The following MAPK13 variants were observed in gnomAD, a reference collection of about 807,000 sequenced individuals.
The protein encoded by MAPK13 is mitogen-activated protein kinase 13.
In MAPK13, 39 loss-of-function variants were observed where a neutral mutation model predicts 53.5. The observed-to-expected ratio is 0.73, with a 90% confidence interval of 0.56 to 0.95. The LOEUF (loss-of-function observed/expected upper bound fraction) is 0.95, where lower values mean the gene tolerates loss of function less well. MAPK13 is among the 40% of genes least tolerant of loss of function. The pLI is 0.00. For missense variants in MAPK13, 460 were observed against 471.8 expected (o/e 0.98, Z 0.23); for synonymous variants, 179 against 190.9 (o/e 0.94, Z 0.51).
rs1766551831 is a variant in MAPK13 at position 36,142,615 on chromosome 6, A to T, written c.*3242A>T. ...GCCTGTCGGTCACTTCTTTGCCCCG[A>T]CCAGGCCAATGTCATATGGAAGGTG... On this transcript the variant is annotated 3_prime_UTR_variant, in exon 12 of 12. Transcript: ENST00000211287. This position sits in a 1 kb window ranked among gnomAD's most constrained non-coding sequence, Gnocchi z 4.4. 1 of 152,262 alleles carries T rather than the reference A, an allele frequency of 6.6e-6. No individual in the cohort carries two copies. Among genetic ancestry groups the T allele is most frequent in the African/African-American group, 2.4e-5 (1 of 41,436 alleles). 9.4% of individuals were successfully genotyped at this position (152,262 alleles called of 1,614,324 possible).
intron 8 of MAPK13, among the ~76,000 whole-genome samples, chr6:36,138,106 A>C (rs1014324325): frequency 3.3e-5 from 5 of 152,142 alleles, no homozygotes; most frequent in African/African-American, 1.2e-4. Flanking sequence ...GAAACAGAAA[A>C]GAGTCACTGG....
rs902586602 is a variant in MAPK13 at position 36,141,933 on chromosome 6, T to C, written c.*2560T>C. The C allele has an allele frequency of 6.6e-6, 1 of 152,324 alleles. No individual in the cohort carries two copies. The highest frequency in any genetic ancestry group is 1.5e-5 in the Non-Finnish European group (1 of 68,142). 9.4% of individuals were successfully genotyped at this position (152,324 alleles called of 1,614,324 possible). A position where few individuals can be genotyped will look rare whatever the true frequency, so the allele number is the denominator to read the frequency against. On this transcript the variant is annotated 3_prime_UTR_variant, in exon 12 of 12. Transcript: ENST00000211287. Reference sequence around the variant, plus strand: ...AGTCCTTGACTGGGACTGGCTAGTCTTGCCACAGCCCTGGCCTCGCTGGTT... The same window carrying C: ...AGTCCTTGACTGGGACTGGCTAGTCCTGCCACAGCCCTGGCCTCGCTGGTT...
chr6:36,135,632 G>A (rs1766401172), intron 3 of MAPK13, 121 bp from the exon 4 acceptor site: 1 of 640,672 alleles, frequency 1.6e-6, no homozygotes, highest in Non-Finnish European at 2.8e-6. Context: ...GTGGAGTTGA[G>A]TTTTTGCACA....
intron 8 of MAPK13, 49 bp downstream of exon 8, chr6:36,136,999 AACAG>A (rs1766431072): frequency 6.7e-7 from 1 of 1,486,452 alleles, no homozygotes; most frequent in Non-Finnish European, 9.3e-7. Context: ...TCCTTCCTTC[AACAG>A]ACACTTTATT....
intron 5 of MAPK13, 118 bp downstream of exon 5, chr6:36,136,166 A>T: frequency 7.9e-7 from 1 of 1,269,826 alleles, no homozygotes; most frequent in Non-Finnish European, 1.1e-6. Flanking sequence ...AGGAGCACAG[A>T]ATGTGGAGTT....
At chr6:36,133,730 C>T (rs893651285) in intron 3 of MAPK13, among the ~76,000 whole-genome samples, 7 of 152,118 alleles carry the variant, frequency 4.6e-5, no homozygotes, top group African/African-American at 1.2e-4. Context: ...GAATAATCAC[C>T]GATGGGTTAT....
Position 36,139,625 on chromosome 6 carries a change from G to A in MAPK13, c.*252G>A, listed in dbSNP as rs1258827138. On this transcript the variant is annotated 3_prime_UTR_variant, in exon 12 of 12. Coordinates refer to ENST00000211287, the MANE Select transcript of MAPK13 (RefSeq NM_002754.5). ...CTGCAGGTGGGGCCCTTTCCTTCCC[G>A]CCAGAGTGGGGCTGAGTGGGCGCTG... 6 of 506,486 alleles carry A rather than the reference G, an allele frequency of 1.2e-5. No individual in the cohort carries two copies. Among genetic ancestry groups the A allele is most frequent in the Non-Finnish European group, 2.1e-5 (6 of 280,676 alleles). 31.4% of individuals were successfully genotyped at this position (506,486 alleles called of 1,614,324 possible).
At chr6:36,138,090 G>A (rs762654646) in intron 8 of MAPK13, among the ~76,000 whole-genome samples, 1 of 152,032 alleles carries the variant, frequency 6.6e-6, no homozygotes, top group Non-Finnish European at 1.5e-5. Flanking sequence ...TTGGTGAGAA[G>A]ACGAGGAAAC....
At chr6:36,135,715 G>T (rs756895251) in intron 3 of MAPK13, 38 bp from the exon 4 acceptor site, 1 of 1,470,852 alleles carries the variant, frequency 6.8e-7, no homozygotes, top group Non-Finnish European at 9.5e-7. Context: ...GGCTGGGTGG[G>T]ACCCGGCACT....
chr6:36,139,434 C>A lies in MAPK13; in HGVS notation c.*61C>A. 7.4e-7 allele frequency: 1 copy of A among 1,356,152 alleles called. No homozygotes were observed. The highest frequency in any genetic ancestry group is 1.1e-6 in the Non-Finnish European group (1 of 947,130). 84.0% of individuals were successfully genotyped at this position (1,356,152 alleles called of 1,614,324 possible). Reference sequence around the variant, plus strand: ...GCCCAAGGACCAGTATTTGTCACTACCAAACTCAGCCCTTCTTGGAATACA... The same window carrying A: ...GCCCAAGGACCAGTATTTGTCACTAACAAACTCAGCCCTTCTTGGAATACA... On this transcript the variant is annotated 3_prime_UTR_variant, in exon 12 of 12. Coordinates refer to ENST00000211287, the MANE Select transcript of MAPK13 (RefSeq NM_002754.5).
chr6:36,137,420 C>T (rs1039464730), intron 8 of MAPK13, among the ~76,000 whole-genome samples: 1 of 152,092 alleles, frequency 6.6e-6, no homozygotes, highest in Non-Finnish European at 1.5e-5. Context: ...GAGGCTGAGG[C>T]AGGAGAATGG....
At chr6:36,135,940 A>G (rs1347924068) in intron 4 of MAPK13, 79 bp downstream of exon 4, 34 of 1,601,414 alleles carry the variant, frequency 2.1e-5, no homozygotes, top group Non-Finnish European at 2.7e-5. Flanking sequence ...GAGGGAGCGC[A>G]CTGTTACAGG....
At position 36,136,138 on chromosome 6, in the gene MAPK13, A is replaced by T; in HGVS notation, c.447+90A>T. On this transcript the variant is annotated intron_variant, in intron 5 of 11. Transcript: ENST00000211287. ...GGCAATCAAGGAGTGGGAAAGTTGG[A>T]GGGAGGGGACACTGCCCAGGAGCAC... 2.6e-6 allele frequency: 4 copies of T among 1,510,782 alleles called. No individual in the cohort carries two copies. The South Asian group carries it at 4.5e-5, about 17-fold the overall frequency. The allele number at this position is 1,510,782 out of a possible 1,614,324, so 93.6% of individuals were successfully genotyped here. A position where few individuals can be genotyped will look rare whatever the true frequency, so the allele number is the denominator to read the frequency against.
intron 5 of MAPK13, 41 bp downstream of exon 5, chr6:36,136,089 C>G: frequency 6.2e-7 from 1 of 1,612,700 alleles, no homozygotes; most frequent in Non-Finnish European, 8.5e-7. Context: ...GGCCCCTGTC[C>G]CATCCCTGGG....
chr6:36,137,003 GA>G, intron 8 of MAPK13, 53 bp downstream of exon 8: 1 of 1,472,632 alleles, frequency 6.8e-7, no homozygotes, highest in South Asian at 1.2e-5. Context: ...TCCTTCAACA[GA>G]CACTTTATTT....
chr6:36,131,701 A>G (rs1171528692), intron 2 of MAPK13, among the ~76,000 whole-genome samples: 2 of 152,250 alleles, frequency 1.3e-5, no homozygotes, highest in Non-Finnish European at 2.9e-5. Context: ...GCTTGTGGCC[A>G]GCTGGGACTA....
rs1233921483 is a variant in MAPK13 at position 36,130,536 on chromosome 6, C to T, written c.-47C>T. The T allele has an allele frequency of 7.8e-6, 8 of 1,027,434 alleles. No homozygotes were observed. Among genetic ancestry groups the T allele is most frequent in the Admixed American group, 2.4e-5 (1 of 41,414 alleles). The allele number at this position is 1,027,434 out of a possible 1,614,324, so 63.6% of individuals were successfully genotyped here. ...TCGGGGCGCTGGGAGCCCGTTGGGC[C>T]GCGAACGCAGCCGCCACGCTGGGGC... On this transcript the variant is annotated 5_prime_UTR_variant, in exon 1 of 12. Transcript: ENST00000211287. The surrounding 1 kb of genome is among the most constrained non-coding windows in gnomAD (Gnocchi z 4.5).
In MAPK13 at chr6:36,142,208, A is replaced by G. The variant is rs1420612410; in HGVS notation, c.*2835A>G. ...TAAAGGTCTTGACAAGTCCTGCAGT[A>G]AAGAGATCCGTTCCTCATTTAATCC... On this transcript the variant is annotated 3_prime_UTR_variant, in exon 12 of 12. Transcript: ENST00000211287. The surrounding 1 kb of genome is among the most constrained non-coding windows in gnomAD (Gnocchi z 4.4). 1 of 152,276 alleles carries G rather than the reference A, an allele frequency of 6.6e-6. No homozygotes were observed. The highest frequency in any genetic ancestry group is 1.5e-5 in the Non-Finnish European group (1 of 68,062). 9.4% of individuals were successfully genotyped at this position (152,276 alleles called of 1,614,324 possible).
intron 8 of MAPK13, 134 bp from the exon 9 acceptor site, chr6:36,138,231 A>C (rs374596861): frequency 6.0e-6 from 4 of 666,714 alleles, no homozygotes; most frequent in East Asian, 5.7e-5. Context: ...TCCTGAGAGC[A>C]GGAGGTGGTT....
Sources: gnomAD v4.1 joint callset for allele counts (sites outside exome capture counted in the v4.1 genomes callset) on GRCh38, gnomAD v4.1.1 for gene constraint, Gnocchi (gnomAD v3.1) non-coding constraint, MANE v1.5 for transcripts, NCBI Gene and HGNC (gene_info 2026-07-23, HGNC 2026-07-21) for gene names.